AIG1: variants seen among roughly 807,000 people sequenced by gnomAD.
The protein encoded by AIG1 is androgen induced 1, also known as androgen-induced gene 1 protein.
A neutral mutation model predicts 31.4 loss-of-function variants in AIG1; 23 were observed. The ratio of observed to expected loss-of-function variants is 0.73; its 90% CI spans 0.53 to 1.04. The LOEUF is 1.04. Among genes scored for constraint, AIG1 ranks in the 50% least tolerant of loss-of-function variants. The pLI is 0.00. For synonymous variants in AIG1, 100 were observed against 110.5 expected, an observed-to-expected ratio of 0.90 and a Z score of 0.60; for missense variants, 274 against 295.0, an observed-to-expected ratio of 0.93 and a Z score of 0.52.
chr6:143,080,226 T>C (rs1369493389), intron 1 of AIG1, among the ~76,000 whole-genome samples: 1 of 151,938 alleles, frequency 6.6e-6, no homozygotes, highest in African/African-American at 2.4e-5. Context: ...GTAGGGGTCG[T>C]GCAGTTGAGA....
chr6:143,184,334 C>T (rs1221685234), intron 3 of AIG1, among the ~76,000 whole-genome samples: 1 of 152,200 alleles, frequency 6.6e-6, no homozygotes, highest in African/African-American at 2.4e-5. Context: ...ATTTCACTCT[C>T]TCCCATGATT....
At chr6:143,103,546 C>T (rs1451222510) in intron 1 of AIG1, among the ~76,000 whole-genome samples, 7 of 122,148 alleles carry the variant, frequency 5.7e-5, no homozygotes, top group African/African-American at 1.8e-4. Context: ...CTCGCTCTGT[C>T]GCCCAGGCTG....
chr6:143,146,492 T>A (rs1784725041), intron 2 of AIG1, among the ~76,000 whole-genome samples: 1 of 151,462 alleles, frequency 6.6e-6, no homozygotes, highest in Non-Finnish European at 1.5e-5. Context: ...CCTCTTTCCC[T>A]CTATCTCCCC....
chr6:143,248,740 C>T (rs1033069440), intron 3 of AIG1, among the ~76,000 whole-genome samples: 4 of 152,214 alleles, frequency 2.6e-5, no homozygotes, highest in Non-Finnish European at 5.9e-5. Flanking sequence ...CACTTCCTAT[C>T]CAACCTCATC....
intron 1 of AIG1, among the ~76,000 whole-genome samples, chr6:143,105,975 C>T (rs1327363049): frequency 6.6e-6 from 1 of 152,210 alleles, no homozygotes; most frequent in East Asian, 1.9e-4. Flanking sequence ...CCTCTGTTCT[C>T]ATTGCCTTTC....
intron 1 of AIG1, among the ~76,000 whole-genome samples, chr6:143,108,739 G>C (rs1781029207): frequency 1.1e-4 from 16 of 152,112 alleles, no homozygotes; most frequent in Admixed American, 1.0e-3. Flanking sequence ...TTTTCCTGTG[G>C]AATGCCATTA....
At chr6:143,124,697 G>A (rs920733332) in intron 1 of AIG1, among the ~76,000 whole-genome samples, 2 of 152,198 alleles carry the variant, frequency 1.3e-5, no homozygotes, top group East Asian at 1.9e-4. Flanking sequence ...GAGGTCTCAG[G>A]AAACTTACAA....
chr6:143,246,138 C>T (rs1354185930), intron 3 of AIG1, among the ~76,000 whole-genome samples: 1 of 152,166 alleles, frequency 6.6e-6, no homozygotes, highest in Non-Finnish European at 1.5e-5. Context: ...CACTTCTGCT[C>T]CTAATTGACT....
intron 1 of AIG1, among the ~76,000 whole-genome samples, chr6:143,100,722 G>A (rs368236697): frequency 2.7e-5 from 4 of 149,494 alleles, no homozygotes; most frequent in African/African-American, 9.9e-5. Flanking sequence ...GTCTTGCTCT[G>A]TTGCCCAGGC....
Position 143,284,087 on chromosome 6 carries a change from A to G in AIG1, c.400-23A>G, listed in dbSNP as rs779783866. 1.3e-6 allele frequency: 2 copies of G among 1,546,378 alleles called. No individual in the cohort carries two copies. Among genetic ancestry groups the G allele is most frequent in the Non-Finnish European group, 1.8e-6 (2 of 1,119,428 alleles). On this transcript the variant is annotated intron_variant, in intron 3 of 5. Coordinates refer to ENST00000357847, the MANE Select transcript of AIG1 (RefSeq NM_016108.4). This position sits in a 1 kb window ranked among gnomAD's most constrained non-coding sequence, Gnocchi z 4.4. ...AGAGACAATGATAGCAATCTGTGTC[A>G]CCTAGTCTCTGTTATTTTCCAGCAC...
chr6:143,127,680 G>T (rs1214352055), intron 1 of AIG1, among the ~76,000 whole-genome samples: 2 of 151,398 alleles, frequency 1.3e-5, no homozygotes, highest in Non-Finnish European at 2.9e-5. Context: ...TTGTTTTTTG[G>T]TGCTGACCTT....
intron 3 of AIG1, chr6:143,189,255 C>T (rs1177612172): frequency 8.5e-6 from 4 of 468,978 alleles, no homozygotes; most frequent in Admixed American, 6.4e-5. Context: ...CACTATGTTT[C>T]CCAAGCTAGA....
intron 3 of AIG1, chr6:143,188,281 A>G (rs1215042441): frequency 1.3e-5 from 13 of 986,170 alleles, no homozygotes; most frequent in Non-Finnish European, 1.6e-5. Flanking sequence ...GCCGCTGTTT[A>G]AACATGTTAA....
intron 3 of AIG1, among the ~76,000 whole-genome samples, chr6:143,199,770 T>G (rs1020842283): frequency 6.6e-6 from 1 of 152,144 alleles, no homozygotes; most frequent in African/African-American, 2.4e-5. Flanking sequence ...CTCAACAAGT[T>G]TAAAGTCGAC....
intron 3 of AIG1, among the ~76,000 whole-genome samples, chr6:143,278,471 T>C (rs906582710): frequency 1.3e-5 from 2 of 151,122 alleles, no homozygotes; most frequent in Admixed American, 6.6e-5. Context: ...TTTCTTTTTT[T>C]TTTTTTTTTC....
chr6:143,313,608 A>C (rs1775487661), intron 4 of AIG1, among the ~76,000 whole-genome samples: 1 of 152,108 alleles, frequency 6.6e-6, no homozygotes, highest in Admixed American at 6.6e-5. Flanking sequence ...AGGGTACAAC[A>C]ATAAAAAGAA....
At chr6:143,251,270 T>C (rs2128647699) in intron 3 of AIG1, among the ~76,000 whole-genome samples, 1 of 152,278 alleles carries the variant, frequency 6.6e-6, no homozygotes, top group East Asian at 1.9e-4. Context: ...CAGGCTGGTC[T>C]CGAACTCCCG....
chr6:143,152,360 C>A (rs570291437), intron 2 of AIG1, among the ~76,000 whole-genome samples: 82 of 152,182 alleles, frequency 5.4e-4, no homozygotes, highest in African/African-American at 1.9e-3. Context: ...TATCGAATAA[C>A]TATAGTCCCC....
chr6:143,115,205 C>A (rs929027114), intron 1 of AIG1, among the ~76,000 whole-genome samples: 21 of 152,194 alleles, frequency 1.4e-4, no homozygotes, highest in Admixed American at 6.5e-5. Flanking sequence ...AAGTAAGATA[C>A]ATTTCTAAAA....
Sources: allele counts gnomAD v4.1 joint callset (sites outside exome capture counted in the v4.1 genomes callset), GRCh38; gene constraint gnomAD v4.1.1; non-coding constraint Gnocchi (gnomAD v3.1); transcripts MANE v1.5; gene names NCBI Gene and HGNC (gene_info 2026-07-23, HGNC 2026-07-21).